The following ROR1 variants were observed in gnomAD, a reference collection of about 807,000 sequenced individuals.
ROR1 encodes inactive tyrosine-protein kinase transmembrane receptor ROR1.
In ROR1, 19 loss-of-function variants were observed where a neutral mutation model predicts 78.8. The observed-to-expected ratio is 0.24, with a 90% CI of 0.17 to 0.35. The LOEUF is 0.35. ROR1 is among the 10% of genes least tolerant of loss of function. ROR1 has a pLI of 1.00. For missense variants in ROR1, 917 were observed against 1,177.8 expected (o/e 0.78, Z 3.24); for synonymous variants, 386 against 433.6 (o/e 0.89, Z 1.36).
intron 1 of ROR1, among the ~76,000 whole-genome samples, chr1:63,788,089 T>A (rs1255063315): frequency 6.6e-6 from 1 of 152,192 alleles, no homozygotes; most frequent in Non-Finnish European, 1.5e-5. Flanking sequence ...TCCACCTCCC[T>A]GGGGTTTCCT....
chr1:63,906,597 A>G (rs1318233902), intron 1 of ROR1, among the ~76,000 whole-genome samples: 1 of 152,154 alleles, frequency 6.6e-6, no homozygotes, highest in Admixed American at 6.5e-5. Context: ...ACCCAGGTGC[A>G]TCTGGGTGGG....
rs1165239401 is a variant in ROR1 at position 63,896,603 on chromosome 1, G to A, written c.92-112702G>A. 3.3e-5 allele frequency among the ~76,000 whole-genome samples: 5 copies of A among 152,140 alleles called. No homozygotes were observed. The South Asian group carries it at 6.2e-4, about 19-fold the overall frequency. On this transcript the variant is annotated intron_variant, in intron 1 of 8. Transcript: ENST00000371079. The stretch of plus-strand genomic sequence containing the variant: ...AATAATGTAATCACAGTAAGATGGT[G>A]ATATTGGCGAAGCACCGGAAATGAC...
At chr1:64,164,374 A>C (rs1177095661) in intron 8 of ROR1, among the ~76,000 whole-genome samples, 1 of 152,204 alleles carries the variant, frequency 6.6e-6, no homozygotes, top group Non-Finnish European at 1.5e-5. Context: ...GTGTAGAGAC[A>C]AAGAGATATG....
chr1:64,019,589 G>T (rs950783733), intron 2 of ROR1, among the ~76,000 whole-genome samples: 5 of 152,100 alleles, frequency 3.3e-5, no homozygotes, highest in African/African-American at 1.2e-4. Flanking sequence ...TATGGACATC[G>T]GGAGTAACAC....
intron 4 of ROR1, among the ~76,000 whole-genome samples, chr1:64,128,584 G>C (rs1283845657): frequency 6.6e-6 from 1 of 152,008 alleles, no homozygotes; most frequent in Admixed American, 6.6e-5. Flanking sequence ...AAAATAAAAA[G>C]TGGGAGAGAT....
chr1:63,897,536 C>T (rs563601015), intron 1 of ROR1, among the ~76,000 whole-genome samples: 50 of 152,258 alleles, frequency 3.3e-4, no homozygotes, highest in African/African-American at 1.1e-3. Context: ...CCTTGTTTCT[C>T]GGTTCCTTCT....
chr1:63,832,239 G>A (rs1032161963), intron 1 of ROR1, among the ~76,000 whole-genome samples: 39 of 151,994 alleles, frequency 2.6e-4, no homozygotes, highest in Non-Finnish European at 2.6e-4. Flanking sequence ...TTCTCTGCCC[G>A]TTACCCAGTT....
At chr1:64,090,569 G>T (rs769613862) in intron 4 of ROR1, among the ~76,000 whole-genome samples, 11 of 152,202 alleles carry the variant, frequency 7.2e-5, no homozygotes, top group Non-Finnish European at 1.6e-4. Context: ...TGACCCAAAA[G>T]CTCAATGTTT....
intron 4 of ROR1, among the ~76,000 whole-genome samples, chr1:64,086,374 C>A (rs1283957156): frequency 2.6e-5 from 4 of 152,192 alleles, no homozygotes; most frequent in Non-Finnish European, 5.9e-5. Flanking sequence ...ATTTGTTCAT[C>A]CATTTACTCA....
chr1:63,934,463 G>T lies in ROR1; in HGVS notation c.92-74842G>T, dbSNP rs117892695. ...TTCAGCATAGTACCTGGCTCCTGTA[G>T]TAAGCATATAACAAATATTAGGTGC... On this transcript the variant is annotated intron_variant, in intron 1 of 8. Coordinates refer to ENST00000371079, the MANE Select transcript of ROR1 (RefSeq NM_005012.4). Among the ~76,000 whole-genome samples the T allele has an allele frequency of 2.0e-5, 3 of 152,270 alleles. No homozygotes were observed. The East Asian group carries it at 5.8e-4, about 29-fold the overall frequency.
chr1:63,967,041 A>G (rs1295099571), intron 1 of ROR1, among the ~76,000 whole-genome samples: 1 of 152,154 alleles, frequency 6.6e-6, no homozygotes, highest in African/African-American at 2.4e-5. Context: ...CAGGTTTGGG[A>G]TTTTCTAAAA....
chr1:63,851,815 T>A (rs1286214972), intron 1 of ROR1, among the ~76,000 whole-genome samples: 2 of 152,226 alleles, frequency 1.3e-5, no homozygotes, highest in Non-Finnish European at 2.9e-5. Flanking sequence ...TTGTAAATAA[T>A]CCTATAATCC....
At chr1:64,163,390 C>T (rs1342065269) in intron 8 of ROR1, among the ~76,000 whole-genome samples, 1 of 151,870 alleles carries the variant, frequency 6.6e-6, no homozygotes, top group East Asian at 1.9e-4. Context: ...TGCACTCCAG[C>T]CTAGGCAACA....
intron 1 of ROR1, among the ~76,000 whole-genome samples, chr1:63,800,753 AC>A (rs1303963285): frequency 6.6e-6 from 1 of 152,150 alleles, no homozygotes; most frequent in East Asian, 1.9e-4. Flanking sequence ...CTGCACATTA[AC>A]ATCTGAGATG....
At chr1:64,155,289 G>T (rs1003244713) in intron 7 of ROR1, among the ~76,000 whole-genome samples, 2 of 152,170 alleles carry the variant, frequency 1.3e-5, no homozygotes, top group African/African-American at 4.8e-5. Context: ...TTGTTCTATG[G>T]AATATTTTTA....
chr1:64,030,808 A>G (rs1646654305), intron 2 of ROR1, among the ~76,000 whole-genome samples: 2 of 152,210 alleles, frequency 1.3e-5, no homozygotes, highest in African/African-American at 4.8e-5. Context: ...ACTTATATTT[A>G]GATTATTACA....
At chr1:63,968,788 C>G (rs192099702) in intron 1 of ROR1, among the ~76,000 whole-genome samples, 1 of 152,162 alleles carries the variant, frequency 6.6e-6, no homozygotes, top group African/African-American at 2.4e-5. Context: ...GAGAAGGTCA[C>G]CCTGTAAACT....
intron 1 of ROR1, among the ~76,000 whole-genome samples, chr1:63,797,303 G>A (rs2100248344): frequency 6.6e-6 from 1 of 152,312 alleles, no homozygotes. Flanking sequence ...AGTAATTGGT[G>A]GATCCAGGCT....
At chr1:64,123,138 T>A (rs898615199) in intron 4 of ROR1, among the ~76,000 whole-genome samples, 1 of 152,120 alleles carries the variant, frequency 6.6e-6, no homozygotes, top group Admixed American at 6.5e-5. Flanking sequence ...AGATTTGCTT[T>A]AAGCCTGCCA....
Sources: gnomAD v4.1 joint callset for allele counts (sites outside exome capture counted in the v4.1 genomes callset) on GRCh38, gnomAD v4.1.1 for gene constraint, MANE v1.5 for transcripts, NCBI Gene and HGNC (gene_info 2026-07-23, HGNC 2026-07-21) for gene names.